The following RGS9 variants were observed in gnomAD, a reference collection of about 807,000 sequenced individuals.
RGS9 encodes regulator of G protein signaling 9, also known as regulator of G-protein signalling 9.
In RGS9, 78 loss-of-function variants were observed where a neutral mutation model predicts 102.0. The observed-to-expected ratio is 0.76, with a 90% CI of 0.64 to 0.92. RGS9 has a LOEUF of 0.92. Ranked by LOEUF, RGS9 falls within the 40% of genes least tolerant of loss-of-function variation. The pLI, the probability that RGS9 is intolerant of heterozygous loss-of-function variation, is 0.00. For missense variants in RGS9, 833 were observed against 866.1 expected (o/e 0.96, Z 0.48); for synonymous variants, 353 against 318.6 (o/e 1.11, Z -1.15).
intron 1 of RGS9, among the ~76,000 whole-genome samples, chr17:65,145,560 T>TTA (rs1910324075): frequency 1.6e-5 from 2 of 126,694 alleles, no homozygotes; most frequent in Non-Finnish European, 3.1e-5. Context: ...ATTTTTTTTT[T>TTA]TTTTAATATA....
Position 65,190,216 on chromosome 17 carries a change from G to A in RGS9, c.726G>A (p.Lys242=), listed in dbSNP as rs781338328. ...AGGCCTTGATGAGGTCCACAGTGAA[G>A]TCTTCTGTGTCCCTGGGAGGGTATG... The part of the protein sequence containing the change: ...YQQALMRSTV[K]SSVSLGGIVK... The change falls in exon 11 of 19, where the codon AAG becomes AAA. Residue 242 remains lysine, a synonymous_variant. Transcript: ENST00000262406. 1.2e-6 allele frequency: 2 copies of A among 1,613,676 alleles called. No individual in the cohort carries two copies. Among genetic ancestry groups the A allele is most frequent in the Admixed American group, 3.3e-5 (2 of 60,026 alleles).
chr17:65,210,167 T>A (rs1275428987), intron 16 of RGS9, among the ~76,000 whole-genome samples: 5 of 152,192 alleles, frequency 3.3e-5, no homozygotes, highest in African/African-American at 4.8e-5. Flanking sequence ...ATTATCCACT[T>A]CTTTCATGAA....
rs72850378 is a variant in RGS9, at chr17:65,137,921, C to G, written c.57+324C>G. On this transcript the variant is annotated intron_variant, in intron 1 of 18. Transcript: ENST00000262406. Reference sequence around the variant, plus strand: ...GCCTGCTGATATTGTTGTAAGACGACCAGATGTGACATTGCCATTTTTGCC... The same window carrying G: ...GCCTGCTGATATTGTTGTAAGACGAGCAGATGTGACATTGCCATTTTTGCC... 2.0e-4 allele frequency among the ~76,000 whole-genome samples: 31 copies of G among 152,258 alleles called. 1 individual carries two copies. In the East Asian group the frequency reaches 5.8e-3, roughly 28 times the overall value.
intron 8 of RGS9, among the ~76,000 whole-genome samples, chr17:65,175,747 G>C (rs772493955): frequency 6.6e-6 from 1 of 152,094 alleles, no homozygotes; most frequent in Non-Finnish European, 1.5e-5. Flanking sequence ...TCTCTTCCCT[G>C]TGTCGTCTTG....
chr17:65,216,144 C>T (rs541787469), intron 17 of RGS9, among the ~76,000 whole-genome samples: 3 of 152,260 alleles, frequency 2.0e-5, no homozygotes, highest in African/African-American at 4.8e-5. Context: ...GGATTTGAGG[C>T]AGCTCATAAT....
intron 17 of RGS9, among the ~76,000 whole-genome samples, chr17:65,213,014 AG>A (rs1375595431): frequency 6.6e-6 from 1 of 152,214 alleles, no homozygotes; most frequent in African/African-American, 2.4e-5. Context: ...ATTTGGAGAA[AG>A]CCTCCTGGTT....
chr17:65,158,196 G>A (rs988451930), intron 2 of RGS9, 99 bp from the exon 3 acceptor site: 18 of 1,094,294 alleles, frequency 1.6e-5, no homozygotes, highest in African/African-American at 3.1e-5. Context: ...GAATGAAATC[G>A]CAGCTGAACG....
At chr17:65,200,452 T>A (rs911597628) in intron 13 of RGS9, among the ~76,000 whole-genome samples, 2 of 152,244 alleles carry the variant, frequency 1.3e-5, no homozygotes, top group African/African-American at 4.8e-5. Flanking sequence ...TCACGAATAA[T>A]TGCTTATTTA....
chr17:65,216,099 T>C (rs1913514618), intron 17 of RGS9, among the ~76,000 whole-genome samples: 1 of 152,136 alleles, frequency 6.6e-6, no homozygotes, highest in Non-Finnish European at 1.5e-5. Flanking sequence ...CAGAGAGCTG[T>C]GGTTAATAAT....
Position 65,155,937 on chromosome 17 carries a change from G to A in RGS9, c.155-2358G>A, listed in dbSNP as rs529260529. Among the ~76,000 whole-genome samples, 9 of 152,292 alleles carry A rather than the reference G, an allele frequency of 5.9e-5. No individual in the cohort carries two copies. In the South Asian group the frequency reaches 1.9e-3, roughly 32 times the overall value. On this transcript the variant is annotated intron_variant, in intron 2 of 18. Transcript: ENST00000262406. ...GGAGACCAAAGAGTTTCAGCAACTT[G>A]CCTTCATGTCCTTAAGCTCATTTCA...
intron 1 of RGS9, among the ~76,000 whole-genome samples, chr17:65,141,021 G>A (rs1415627375): frequency 2.0e-5 from 3 of 152,192 alleles, no homozygotes; most frequent in Non-Finnish European, 4.4e-5. Flanking sequence ...CTGTCATGGG[G>A]CCATGGAGAG....
rs1905759068 is a variant in RGS9 at position 65,227,609 on chromosome 17, C to A, written c.*202C>A. 1.5e-6 allele frequency: 1 copy of A among 659,186 alleles called. No individual in the cohort carries two copies. The highest frequency in any genetic ancestry group is 2.6e-6 in the Non-Finnish European group (1 of 380,974). The allele number at this position is 659,186 out of a possible 1,614,324, so 40.8% of individuals were successfully genotyped here. A position where few individuals can be genotyped will look rare whatever the true frequency, so the allele number is the denominator to read the frequency against. ...GGCCAACTCCTTCTCCTCTTCCTGA[C>A]CCTCCCTCCCCTGGGCAGAAGAAAC... On this transcript the variant is annotated 3_prime_UTR_variant, in exon 19 of 19. Coordinates refer to ENST00000262406, the MANE Select transcript of RGS9 (RefSeq NM_003835.4).
intron 8 of RGS9, among the ~76,000 whole-genome samples, chr17:65,174,562 T>C (rs1169538274): frequency 6.6e-6 from 1 of 151,648 alleles, no homozygotes; most frequent in Non-Finnish European, 1.5e-5. Flanking sequence ...AGTGAGCATG[T>C]ATGTGAGTGT....
At chr17:65,215,378 T>C (rs1913452033) in intron 17 of RGS9, among the ~76,000 whole-genome samples, 1 of 152,172 alleles carries the variant, frequency 6.6e-6, no homozygotes, top group Non-Finnish European at 1.5e-5. Context: ...GTGTTAGCAG[T>C]TGGGGAGGCA....
At chr17:65,216,827 C>T (rs1913541184) in intron 17 of RGS9, among the ~76,000 whole-genome samples, 1 of 152,026 alleles carries the variant, frequency 6.6e-6, no homozygotes, top group South Asian at 2.1e-4. Context: ...GGTGCGGGGA[C>T]AGGCAGTAGA....
In RGS9 at chr17:65,190,194, C is replaced by T. The variant is rs786205509; in HGVS notation, c.704C>T (p.Ala235Val). The T allele has an allele frequency of 2.5e-6, 4 of 1,613,450 alleles. No individual in the cohort carries two copies. The highest frequency in any genetic ancestry group is 2.7e-5 in the African/African-American group (2 of 74,884). ...TTCCAGATCATGTATTACCAACAGG[C>T]CTTGATGAGGTCCACAGTGAAGTCT... ...VKKEIMYYQQ[A>V]LMRSTVKSSV... Residue 235 changes from alanine (A) to valine (V), a missense_variant, in exon 11 of 19, where the codon GCC becomes GTC. Physicochemically the swap from Ala to Val is moderately conservative, Grantham distance 64. Coordinates refer to ENST00000262406, the MANE Select transcript of RGS9 (RefSeq NM_003835.4).
intron 17 of RGS9, among the ~76,000 whole-genome samples, chr17:65,215,536 C>CTTTCTTTCTT (rs1319657381): frequency 1.6e-5 from 2 of 128,872 alleles, no homozygotes; most frequent in African/African-American, 6.8e-5. Flanking sequence ...TTCTTTCTTT[C>CTTTCTTTCTT]TTTCTTTCTT....
chr17:65,158,269 A>G, intron 2 of RGS9, 26 bp from the exon 3 acceptor site: 1 of 1,613,008 alleles, frequency 6.2e-7, no homozygotes, highest in Non-Finnish European at 8.5e-7. Flanking sequence ...CTATGACAAT[A>G]ACCGCAAATG....
chr17:65,217,653 T>A (rs930379231), intron 17 of RGS9, among the ~76,000 whole-genome samples: 16 of 152,090 alleles, frequency 1.1e-4, no homozygotes, highest in African/African-American at 3.4e-4. Context: ...AATGGAGGGT[T>A]GAGAGGAGGC....
Sources: allele counts gnomAD v4.1 joint callset (sites outside exome capture counted in the v4.1 genomes callset), GRCh38; gene constraint gnomAD v4.1.1; transcripts MANE v1.5; gene names NCBI Gene and HGNC (gene_info 2026-07-23, HGNC 2026-07-21).